Variants in CNBD1 observed in about 807,000 individuals in gnomAD.
CNBD1 encodes cyclic nucleotide binding domain containing 1, also known as cyclic nucleotide-binding domain-containing protein 1.
A neutral mutation model predicts 54.4 loss-of-function variants in CNBD1; 71 were observed. The observed-to-expected ratio is 1.30, with a 90% CI of 1.08 to 1.59. The LOEUF (loss-of-function observed/expected upper bound fraction) is 1.59, where lower values mean the gene tolerates loss of function less well. Ranked by LOEUF, CNBD1 falls within the 40% of genes most tolerant of loss-of-function variation. CNBD1 has a pLI of 0.00. For missense variants in CNBD1, 659 were observed against 518.0 expected (o/e 1.27, Z -2.64); for synonymous variants, 182 against 170.7 (o/e 1.07, Z -0.51).
chr8:87,121,025 T>A (rs1811878923), intron 4 of CNBD1, among the ~76,000 whole-genome samples: 1 of 151,946 alleles, frequency 6.6e-6, no homozygotes, highest in South Asian at 2.1e-4. Flanking sequence ...TATCTGGGCA[T>A]GTACTTTCAT....
rs1274378347 is a variant in CNBD1, at chr8:87,274,911, A to G, written c.772-9767A>G. On this transcript the variant is annotated intron_variant, in intron 6 of 10. Coordinates refer to ENST00000518476, the MANE Select transcript of CNBD1 (RefSeq NM_173538.3). ...CTAGGGTTTTTATGGTTTTAGGTGT[A>G]ACGTTTAAGTCTTTAATCCATCTTG... 2.2e-5 allele frequency among the ~76,000 whole-genome samples: 3 copies of G among 134,268 alleles called. 1 individual carries two copies. The highest frequency in any genetic ancestry group is 4.8e-5 in the Non-Finnish European group (3 of 62,630). The allele number at this position is 134,268 out of a possible 152,430, so 88.1% of individuals were successfully genotyped here.
chr8:87,382,731 T>TAA lies in CNBD1; in HGVS notation c.*105_*106insAA. 1 of 815,622 alleles carries TAA rather than the reference T, an allele frequency of 1.2e-6. No individual in the cohort carries two copies. Among genetic ancestry groups the TAA allele is most frequent in the South Asian group, 2.0e-5 (1 of 50,166 alleles). 50.5% of individuals were successfully genotyped at this position (815,622 alleles called of 1,614,324 possible). ...CAAACTACCAGCAATGAATTTGGTC[T>TAA]ATTGTGACTACATATCCTGGATTCC... is the stretch of plus-strand genomic sequence containing the variant. On this transcript the variant is annotated 3_prime_UTR_variant, in exon 11 of 11. Transcript: ENST00000518476.
At chr8:87,303,939 A>G (rs1294366560) in intron 8 of CNBD1, among the ~76,000 whole-genome samples, 4 of 152,154 alleles carry the variant, frequency 2.6e-5, no homozygotes, top group South Asian at 4.1e-4. Context: ...ACAATGAGAT[A>G]TCATCTCACA....
In CNBD1 at chr8:87,237,043, C is replaced by T; in HGVS notation, c.702C>T (p.Ser234=). 1 of 1,611,886 alleles carries T rather than the reference C, an allele frequency of 6.2e-7. No homozygotes were observed. The highest frequency in any genetic ancestry group is 8.5e-7 in the Non-Finnish European group (1 of 1,178,436). ...CGTTCATATCTCAGAGTTTCCACAG[C>T]TTCATTTGGAGTGAAGAATTCAAAA... ...PDSFISQSFH[S]FIWSEEFKNS... The change falls in exon 6 of 11, where the codon AGC becomes AGT. Residue 234 remains serine, a synonymous_variant. Transcript: ENST00000518476.
At chr8:87,296,918 G>A (rs1258801662) in intron 8 of CNBD1, among the ~76,000 whole-genome samples, 2 of 152,018 alleles carry the variant, frequency 1.3e-5, no homozygotes, top group Non-Finnish European at 2.9e-5. Context: ...GCTCACGCCT[G>A]TAATCCTAGC....
intron 8 of CNBD1, among the ~76,000 whole-genome samples, chr8:87,292,443 C>T (rs1489089868): frequency 6.6e-6 from 1 of 152,140 alleles, no homozygotes; most frequent in Admixed American, 6.6e-5. Context: ...ATGTTTAATT[C>T]TCAGTATGCA....
In CNBD1 at chr8:87,244,969, TTAAAA is replaced by T. The variant is rs201100845; in HGVS notation, c.771+7864_771+7868del. 4.1e-3 allele frequency among the ~76,000 whole-genome samples: 618 copies of T among 152,250 alleles called. 3 individuals are homozygous for T. The highest frequency in any genetic ancestry group is 6.9e-3 in the Admixed American group (106 of 15,278). ...TAAAATATATGTGATTGCTTTATTC[TTAAAA>T]TAAAATGTAAACATTAGAATATTCA... is the stretch of plus-strand genomic sequence containing the variant. On this transcript the variant is annotated intron_variant, in intron 6 of 10. Transcript: ENST00000518476.
At chr8:87,223,122 A>AC (rs1814379897) in intron 5 of CNBD1, among the ~76,000 whole-genome samples, 1 of 149,476 alleles carries the variant, frequency 6.7e-6, no homozygotes, top group African/African-American at 2.5e-5. Flanking sequence ...AACCCCTGTG[A>AC]CCCCATCAAC....
intron 10 of CNBD1, among the ~76,000 whole-genome samples, chr8:87,363,460 A>G (rs2130938990): frequency 6.6e-6 from 1 of 152,222 alleles, no homozygotes; most frequent in South Asian, 2.1e-4. Context: ...TTAGACTCCC[A>G]CCAACAGTGT....
intron 4 of CNBD1, among the ~76,000 whole-genome samples, chr8:87,072,521 G>A (rs974223860): frequency 6.6e-6 from 1 of 152,102 alleles, no homozygotes; most frequent in Non-Finnish European, 1.5e-5. Context: ...AATTTCCTTA[G>A]CATTTGCTTG....
intron 4 of CNBD1, among the ~76,000 whole-genome samples, chr8:86,961,488 T>C (rs1487577910): frequency 6.6e-6 from 1 of 152,192 alleles, no homozygotes; most frequent in African/African-American, 2.4e-5. Flanking sequence ...CCATACAATA[T>C]TGGGGCCAAA....
chr8:86,881,508 TAAATC>T (rs1267132548), intron 1 of CNBD1, among the ~76,000 whole-genome samples: 2 of 152,046 alleles, frequency 1.3e-5, no homozygotes, highest in Non-Finnish European at 2.9e-5. Flanking sequence ...ACTGCTCAAA[TAAATC>T]AGAAATGACA....
At chr8:87,271,018 G>T (rs1402741638) in intron 6 of CNBD1, among the ~76,000 whole-genome samples, 10 of 151,636 alleles carry the variant, frequency 6.6e-5, no homozygotes, top group African/African-American at 2.4e-4. Context: ...ATGTGTCCAG[G>T]AATTTATCCA....
At chr8:87,395,342 C>G (rs983404872) in intron 2 of CNBD1, among the ~76,000 whole-genome samples, 1 of 151,758 alleles carries the variant, frequency 6.6e-6, no homozygotes, top group African/African-American at 2.4e-5. Flanking sequence ...TGCTGCTACT[C>G]TGGATTTTAG....
chr8:87,356,735 A>G (rs1810427034), intron 10 of CNBD1, among the ~76,000 whole-genome samples: 2 of 152,228 alleles, frequency 1.3e-5, no homozygotes, highest in Non-Finnish European at 2.9e-5. Flanking sequence ...AGAAATTTAA[A>G]TGCACTGTGG....
intron 1 of CNBD1, among the ~76,000 whole-genome samples, chr8:86,879,298 A>G (rs933361815): frequency 6.6e-6 from 1 of 152,226 alleles, no homozygotes; most frequent in Non-Finnish European, 1.5e-5. Context: ...TAAGGGGAGC[A>G]TCATAAATCT....
intron 4 of CNBD1, among the ~76,000 whole-genome samples, chr8:87,019,817 G>A (rs937938655): frequency 1.3e-5 from 2 of 152,104 alleles, no homozygotes. Flanking sequence ...GGCAGAGGTT[G>A]CAGTGAGCCG....
At chr8:87,386,660 G>C (rs1811196580), downstream of CNBD1, among the ~76,000 whole-genome samples, 1 of 152,184 alleles carries the variant, frequency 6.6e-6, no homozygotes, top group Non-Finnish European at 1.5e-5. Flanking sequence ...TGGGGAGAAT[G>C]GAACCAAGTT....
intron 2 of CNBD1, among the ~76,000 whole-genome samples, chr8:87,413,762 C>G (rs991009722): frequency 6.7e-6 from 1 of 150,108 alleles, no homozygotes; most frequent in Non-Finnish European, 1.5e-5. Context: ...CCAAAAAACA[C>G]ATGAAAAAAT....
Sources: gnomAD v4.1 joint callset for allele counts (sites outside exome capture counted in the v4.1 genomes callset) on GRCh38, gnomAD v4.1.1 for gene constraint, MANE v1.5 for transcripts, NCBI Gene and HGNC (gene_info 2026-07-23, HGNC 2026-07-21) for gene names.